The following SLC24A2 variants were observed in gnomAD, a reference collection of about 807,000 sequenced individuals.
The protein encoded by SLC24A2 is sodium/potassium/calcium exchanger 2.
SLC24A2 carries 36 observed loss-of-function variants against 62.0 expected under a neutral mutation model. That is an observed-to-expected ratio of 0.58 (90% CI 0.44 to 0.77). The LOEUF (loss-of-function observed/expected upper bound fraction) is 0.77. SLC24A2 is among the 30% of genes least tolerant of loss of function. The pLI is 0.00. For missense variants in SLC24A2, 846 were observed against 817.9 expected (o/e 1.03, Z -0.42); for synonymous variants, 358 against 294.0 (o/e 1.22, Z -2.23).
In SLC24A2 at chr9:19,513,823, AAAC is replaced by A. The variant is rs1408845886; in HGVS notation, c.*2327_*2329del. 6.6e-6 allele frequency: 1 copy of A among 152,234 alleles called. No individual in the cohort carries two copies. The highest frequency in any genetic ancestry group is 1.5e-5 in the Non-Finnish European group (1 of 68,046). The allele number at this position is 152,234 out of a possible 1,614,324, so 9.4% of individuals were successfully genotyped here. A position where few individuals can be genotyped will look rare whatever the true frequency, so the allele number is the denominator to read the frequency against. ...TTGCCCTTCAAGAAATACACAGGGA[AAAC>A]AACTGGAGTTTTTAAACGTAAAGTT... On this transcript the variant is annotated 3_prime_UTR_variant, in exon 11 of 11. Coordinates refer to ENST00000341998, the MANE Select transcript of SLC24A2 (RefSeq NM_020344.4).
chr9:19,775,562 G>C (rs539510170), intron 2 of SLC24A2, among the ~76,000 whole-genome samples: 1 of 152,304 alleles, frequency 6.6e-6, no homozygotes, highest in Admixed American at 6.5e-5. Context: ...TGTGGATCTA[G>C]GTCTAAATGG....
chr9:20,222,079 A>T, the SLC24A2 span, among the ~76,000 whole-genome samples: 1 of 152,114 alleles, frequency 6.6e-6, no homozygotes, highest in Admixed American at 6.6e-5. Flanking sequence ...TAGTAAAAGT[A>T]GGCTAAGATC....
intron 2 of SLC24A2, among the ~76,000 whole-genome samples, chr9:19,651,617 G>A (rs1444999985): frequency 6.6e-6 from 1 of 152,174 alleles, no homozygotes; most frequent in Non-Finnish European, 1.5e-5. Context: ...TAGTCTATGG[G>A]AAGCAAACTT....
the SLC24A2 span, among the ~76,000 whole-genome samples, chr9:19,857,951 C>T: frequency 1.3e-5 from 2 of 152,066 alleles, no homozygotes; most frequent in African/African-American, 4.8e-5. Flanking sequence ...ATATTCAATG[C>T]TATTCCTATC....
At chr9:20,292,985 C>T in the SLC24A2 span, among the ~76,000 whole-genome samples, 25 of 152,328 alleles carry the variant, frequency 1.6e-4, 1 homozygote, top group South Asian at 5.2e-3. Context: ...TTCCTTGCCT[C>T]TTCCCAGCTT....
chr9:19,877,176 G>A, the SLC24A2 span, among the ~76,000 whole-genome samples: 1 of 151,174 alleles, frequency 6.6e-6, no homozygotes, highest in Admixed American at 6.6e-5. Context: ...GCCCCAGTGA[G>A]GGCTGGGTTT....
At chr9:19,983,721 C>T in the SLC24A2 span, among the ~76,000 whole-genome samples, 1 of 152,076 alleles carries the variant, frequency 6.6e-6, no homozygotes, top group Non-Finnish European at 1.5e-5. Flanking sequence ...AAAATAATTG[C>T]ATTTACAATT....
chr9:19,560,378 G>C (rs1023894495), intron 7 of SLC24A2, among the ~76,000 whole-genome samples: 5 of 146,994 alleles, frequency 3.4e-5, no homozygotes, highest in African/African-American at 1.3e-4. Context: ...CTCTAATGAA[G>C]TGATTAAGGT....
chr9:19,767,684 C>T (rs1822561444), intron 2 of SLC24A2, among the ~76,000 whole-genome samples: 1 of 152,164 alleles, frequency 6.6e-6, no homozygotes, highest in Non-Finnish European at 1.5e-5. Flanking sequence ...GTTGGAAATA[C>T]AGAAATCACC....
At chr9:19,601,726 C>T (rs147728952) in intron 4 of SLC24A2, among the ~76,000 whole-genome samples, 1 of 152,148 alleles carries the variant, frequency 6.6e-6, no homozygotes, top group East Asian at 1.9e-4. Flanking sequence ...TAGTTTGGAG[C>T]CTTACAGACC....
At chr9:19,949,324 G>A in the SLC24A2 span, among the ~76,000 whole-genome samples, 3 of 152,284 alleles carry the variant, frequency 2.0e-5, no homozygotes, top group South Asian at 6.2e-4. Flanking sequence ...ATCTTTGGAG[G>A]AATCAAATTA....
At chr9:19,528,513 T>A (rs1833539830) in intron 8 of SLC24A2, among the ~76,000 whole-genome samples, 1 of 152,084 alleles carries the variant, frequency 6.6e-6, no homozygotes, top group Admixed American at 6.6e-5. Context: ...TTTCTTTTGC[T>A]CCAGAGTTTG....
At chr9:19,985,923 A>C in the SLC24A2 span, among the ~76,000 whole-genome samples, 1 of 152,180 alleles carries the variant, frequency 6.6e-6, no homozygotes, top group Admixed American at 6.5e-5. Context: ...AATTTAATAA[A>C]TTGGATTTCA....
chr9:20,049,917 A>T, the SLC24A2 span, among the ~76,000 whole-genome samples: 1 of 152,056 alleles, frequency 6.6e-6, no homozygotes, highest in African/African-American at 2.4e-5. Context: ...AAAGGGGAAA[A>T]CAACCCACTT....
chr9:19,851,002 C>CGTATATATATAT, the SLC24A2 span, among the ~76,000 whole-genome samples: 1 of 28,624 alleles, frequency 3.5e-5, no homozygotes, highest in Non-Finnish European at 7.7e-5. Flanking sequence ...TATATATATA[C>CGTATATATATAT]ACATACATAT....
chr9:19,651,915 C>T (rs777789542), intron 2 of SLC24A2, among the ~76,000 whole-genome samples: 8 of 152,158 alleles, frequency 5.3e-5, no homozygotes, highest in Non-Finnish European at 7.3e-5. Flanking sequence ...TTTCATTCAT[C>T]GACCACACGG....
the SLC24A2 span, among the ~76,000 whole-genome samples, chr9:20,239,212 CAT>C: frequency 6.6e-6 from 1 of 152,172 alleles, no homozygotes; most frequent in African/African-American, 2.4e-5. Flanking sequence ...AAACACAAAA[CAT>C]AGAGGATTCC....
In SLC24A2 at chr9:19,528,112, C is replaced by T. The variant is rs192364747; in HGVS notation, c.1506G>A (p.Thr502=). The change falls in exon 9 of 11, where the codon ACG becomes ACA. Residue 502 remains threonine, a synonymous_variant. Transcript: ENST00000341998. The part of the protein sequence containing the change: ...KPSSRKFFPI[T]FFGSITWIAV... ...CAATCCAGGTAATGGAGCCAAAGAA[C>T]GTGATGGGAAAAAACTTCCTCGATG... The T allele has an allele frequency of 1.1e-5, 17 of 1,595,482 alleles. No homozygotes were observed. Among genetic ancestry groups the T allele is most frequent in the African/African-American group, 9.4e-5 (7 of 74,810 alleles).
chr9:19,725,241 G>A (rs748152734), intron 2 of SLC24A2, among the ~76,000 whole-genome samples: 1 of 152,082 alleles, frequency 6.6e-6, no homozygotes, highest in Non-Finnish European at 1.5e-5. Context: ...CAAAGAAATG[G>A]TGCTCGGGCT....
Sources: gnomAD v4.1 joint callset for allele counts (sites outside exome capture counted in the v4.1 genomes callset) on GRCh38, gnomAD v4.1.1 for gene constraint, MANE v1.5 for transcripts, NCBI Gene and HGNC (gene_info 2026-07-23, HGNC 2026-07-21) for gene names.